The following SHROOM2 variants were observed in gnomAD, a reference collection of about 807,000 sequenced individuals.
SHROOM2 encodes the protein protein Shroom2.
SHROOM2 carries 33 observed loss-of-function variants against 75.9 expected under a neutral mutation model. The ratio of observed to expected loss-of-function variants is 0.43; its 90% CI spans 0.33 to 0.58. The LOEUF is 0.58. SHROOM2 is among the 20% of genes least tolerant of loss of function. The pLI, the probability that SHROOM2 is intolerant of heterozygous loss-of-function variation, is 0.04. For synonymous variants in SHROOM2, 655 were observed against 663.6 expected, an observed-to-expected ratio of 0.99 and a Z score of 0.20; for missense variants, 1,434 against 1,461.2, an observed-to-expected ratio of 0.98 and a Z score of 0.30.
chrX:9,856,430 T>C (rs945967780), intron 1 of SHROOM2, among the ~76,000 whole-genome samples: 7 of 112,086 alleles, frequency 6.2e-5, no homozygotes, highest in African/African-American at 2.3e-4. Context: ...CCCCTCAATC[T>C]ATTGGGATTG....
At chrX:9,856,015 G>A (rs970346848) in intron 1 of SHROOM2, among the ~76,000 whole-genome samples, 6 of 92,416 alleles carry the variant, frequency 6.5e-5, no homozygotes, top group African/African-American at 1.9e-4. Context: ...AAAGACTTAA[G>A]AATGTTTCCT....
intron 5 of SHROOM2, among the ~76,000 whole-genome samples, chrX:9,898,968 G>T: frequency 9.0e-6 from 1 of 110,928 alleles, no homozygotes; most frequent in Non-Finnish European, 1.9e-5. Context: ...TCTGTGCTGG[G>T]TGTGGTGGTT....
At chrX:9,925,415 A>T (rs2084585170) in intron 5 of SHROOM2, among the ~76,000 whole-genome samples, 1 of 112,816 alleles carries the variant, frequency 8.9e-6, no homozygotes, top group African/African-American at 3.2e-5. Flanking sequence ...TCCTGATAAA[A>T]ATTCTGTGCT....
chrX:9,851,631 ATT>A (rs746554166), intron 1 of SHROOM2, among the ~76,000 whole-genome samples: 5 of 90,689 alleles, frequency 5.5e-5, no homozygotes, highest in Non-Finnish European at 4.4e-5. Flanking sequence ...AAATTTTTGT[ATT>A]TTTTTTTTTT....
At chrX:9,930,169 G>A (rs7060401) in intron 5 of SHROOM2, among the ~76,000 whole-genome samples, 1,202 of 111,139 alleles carry the variant, frequency 0.011, 21 homozygotes, top group African/African-American at 0.036. Flanking sequence ...TTTTCAAAGG[G>A]AAAAAAAGTG....
At chrX:9,807,991 C>T (rs983994070) in intron 1 of SHROOM2, among the ~76,000 whole-genome samples, 13 of 111,928 alleles carry the variant, frequency 1.2e-4, no homozygotes, top group Admixed American at 9.5e-5. Context: ...GCACATGCAG[C>T]CCCGAGCTTT....
At chrX:9,861,963 G>T (rs1222282194) in intron 1 of SHROOM2, among the ~76,000 whole-genome samples, 2 of 111,766 alleles carry the variant, frequency 1.8e-5, no homozygotes. Flanking sequence ...GGAGACGGAA[G>T]CCACACAGTA....
intron 7 of SHROOM2, among the ~76,000 whole-genome samples, chrX:9,938,799 G>A (rs1268255479): frequency 9.0e-6 from 1 of 110,737 alleles, no homozygotes; most frequent in South Asian, 3.9e-4. Context: ...ACCCAGGCAG[G>A]AGGGCGCCGA....
chrX:9,936,199 C>T (rs2084704011), intron 6 of SHROOM2, among the ~76,000 whole-genome samples: 1 of 110,359 alleles, frequency 9.1e-6, no homozygotes, highest in Non-Finnish European at 1.9e-5. Flanking sequence ...GCAACTTCTG[C>T]TTCCCAGGTT....
intron 1 of SHROOM2, among the ~76,000 whole-genome samples, chrX:9,807,257 A>G (rs1290672684): frequency 8.9e-6 from 1 of 112,265 alleles, no homozygotes; most frequent in Non-Finnish European, 1.9e-5. Context: ...TGGTAGGTGC[A>G]GGAAAGCCAG....
At chrX:9,815,641 A>G (rs1948943405) in intron 1 of SHROOM2, among the ~76,000 whole-genome samples, 1 of 107,437 alleles carries the variant, frequency 9.3e-6, no homozygotes, top group Non-Finnish European at 1.9e-5. Context: ...TCCCACAATC[A>G]CAAGGTCCCA....
chrX:9,860,332 C>T (rs1601950208), intron 1 of SHROOM2, among the ~76,000 whole-genome samples: 1 of 112,232 alleles, frequency 8.9e-6, no homozygotes, highest in South Asian at 3.7e-4. Flanking sequence ...ATTTGTAGCT[C>T]TTACAGATGG....
intron 1 of SHROOM2, among the ~76,000 whole-genome samples, chrX:9,845,408 G>A (rs1384579003): frequency 9.0e-6 from 1 of 111,619 alleles, no homozygotes; most frequent in African/African-American, 3.3e-5. Flanking sequence ...GCAGTTAGCC[G>A]GGGTCACAGT....
At chrX:9,944,500 TG>T (rs1289018474) in intron 8 of SHROOM2, 140 bp from the exon 9 acceptor site, 1 of 519,895 alleles carries the variant, frequency 1.9e-6, no homozygotes, top group Non-Finnish European at 3.1e-6. Flanking sequence ...CCCTATTATT[TG>T]GTGATGCAAA....
intron 8 of SHROOM2, 115 bp from the exon 9 acceptor site, chrX:9,944,526 C>T: frequency 4.0e-6 from 3 of 744,392 alleles, no homozygotes; most frequent in Middle Eastern, 4.8e-4. Context: ...AGCTTTCACG[C>T]AGGTCAGCTG....
intron 1 of SHROOM2, among the ~76,000 whole-genome samples, chrX:9,833,608 C>CTGTGTGTGTG (rs144161839): frequency 0.032 from 3,044 of 95,295 alleles, 112 homozygotes; most frequent in African/African-American, 0.097. Flanking sequence ...CAAGTAGACT[C>CTGTGTGTGTG]TGTGTGTGTG....
At chrX:9,893,967 A>AAC (rs1281290578) in intron 3 of SHROOM2, among the ~76,000 whole-genome samples, 1 of 108,863 alleles carries the variant, frequency 9.2e-6, no homozygotes, top group African/African-American at 3.4e-5. Flanking sequence ...AAAAAAAAAA[A>AAC]CCAAAATCAA....
intron 1 of SHROOM2, among the ~76,000 whole-genome samples, chrX:9,800,809 C>T (rs970909404): frequency 2.1e-4 from 23 of 108,620 alleles, no homozygotes; most frequent in African/African-American, 4.0e-4. Context: ...TACAGGCATG[C>T]GGCACCATGC....
intron 7 of SHROOM2, among the ~76,000 whole-genome samples, chrX:9,938,803 G>A (rs2084740709): frequency 9.0e-6 from 1 of 110,699 alleles, no homozygotes; most frequent in Non-Finnish European, 1.9e-5. Flanking sequence ...AGGCAGGAGG[G>A]CGCCGACAGG....
Sources: gnomAD v4.1 joint callset for allele counts (sites outside exome capture counted in the v4.1 genomes callset) on GRCh38, gnomAD v4.1.1 for gene constraint, MANE v1.5 for transcripts, NCBI Gene and HGNC (gene_info 2026-07-23, HGNC 2026-07-21) for gene names.